MYLK: variants seen among roughly 807,000 people sequenced by gnomAD.
MYLK encodes the protein myosin light chain kinase, smooth muscle.
Under a neutral mutation model 203.4 loss-of-function variants are expected in MYLK, and 106 were observed. That is an observed-to-expected ratio of 0.52 (90% CI 0.45 to 0.61). The LOEUF is 0.61. Ranked by LOEUF, MYLK falls within the 20% of genes least tolerant of loss-of-function variation. The pLI is 0.00. For synonymous variants in MYLK, 867 were observed against 959.5 expected (o/e 0.90, Z 1.78); for missense variants, 2,072 against 2,442.3 (o/e 0.85, Z 3.20).
Position 123,647,400 on chromosome 3 carries a change from A to G in MYLK, c.4443T>C (p.Leu1481=). The G allele has an allele frequency of 6.2e-7, 1 of 1,614,210 alleles. No homozygotes were observed. Among genetic ancestry groups the G allele is most frequent in the Non-Finnish European group, 8.5e-7 (1 of 1,180,038 alleles). Residue 1481 remains leucine (L), a synonymous_variant, in exon 27 of 34, where the codon CTT becomes CTC. Transcript: ENST00000360304. Reference sequence around the variant, plus strand: ...AGACTTTTCGAGTTTTCTTTTCTACAAGTCGAAAGACCTGTCCAAATTTCC... The same window carrying G: ...AGACTTTTCGAGTTTTCTTTTCTACGAGTCGAAAGACCTGTCCAAATTTCC... The part of the protein sequence containing the change: ...GSGKFGQVFR[L]VEKKTRKVWA...
chr3:123,722,112 GC>G lies in MYLK; in HGVS notation c.1804+15del. 1 of 1,560,288 alleles carries G rather than the reference GC, an allele frequency of 6.4e-7. No individual in the cohort carries two copies. The highest frequency in any genetic ancestry group is 8.7e-7 in the Non-Finnish European group (1 of 1,151,980). ...GCAGGAAAGGTGCTTCTACCCAGGTGCCCAGAGGCTCCTACCATGGACGGTG... is the reference window on the plus strand; with the variant it reads ...GCAGGAAAGGTGCTTCTACCCAGGTGCCAGAGGCTCCTACCATGGACGGTG... On this transcript the variant is annotated intron_variant, in intron 13 of 33. Coordinates refer to ENST00000360304, the MANE Select transcript of MYLK (RefSeq NM_053025.4).
chr3:123,797,709 C>A (rs1025069804), intron 3 of MYLK, among the ~76,000 whole-genome samples: 1 of 152,192 alleles, frequency 6.6e-6, no homozygotes, highest in African/African-American at 2.4e-5. Context: ...GTGCTCCAAC[C>A]CTCTTGGCTT....
intron 2 of MYLK, among the ~76,000 whole-genome samples, chr3:123,872,923 T>C (rs1459517714): frequency 6.6e-6 from 1 of 152,082 alleles, no homozygotes; most frequent in Non-Finnish European, 1.5e-5. Context: ...ACCTTCTAAT[T>C]ACATGGTTGT....
chr3:123,716,821 C>T (rs1008120469), intron 13 of MYLK, among the ~76,000 whole-genome samples: 1 of 152,052 alleles, frequency 6.6e-6, no homozygotes, highest in African/African-American at 2.4e-5. Flanking sequence ...CTATAATGGC[C>T]CTATTAGTAA....
chr3:123,877,532 C>T (rs567175394), intron 1 of MYLK, among the ~76,000 whole-genome samples: 1 of 152,284 alleles, frequency 6.6e-6, no homozygotes, highest in South Asian at 2.1e-4. Flanking sequence ...TCCCTAGGTG[C>T]CTGCCCAATC....
chr3:123,638,922 A>G, intron 28 of MYLK: 3 of 985,464 alleles, frequency 3.0e-6, no homozygotes, highest in Non-Finnish European at 3.6e-6. Flanking sequence ...TTAACTTCGC[A>G]GAGCTCACAG....
chr3:123,858,010 A>G (rs2031565019), intron 2 of MYLK, among the ~76,000 whole-genome samples: 1 of 152,188 alleles, frequency 6.6e-6, no homozygotes, highest in Non-Finnish European at 1.5e-5. Context: ...GGCATAATGT[A>G]AACCGAAGGA....
chr3:123,792,539 A>G (rs2064819009), intron 4 of MYLK, among the ~76,000 whole-genome samples: 1 of 152,140 alleles, frequency 6.6e-6, no homozygotes, highest in African/African-American at 2.4e-5. Flanking sequence ...GAATCCTATA[A>G]TCAGTGGCTT....
In MYLK at chr3:123,877,618, T is replaced by C. The variant is rs535475887; in HGVS notation, c.-185-1001A>G. 3.3e-5 allele frequency among the ~76,000 whole-genome samples: 5 copies of C among 152,308 alleles called. No homozygotes were observed. In the East Asian group the frequency reaches 9.6e-4, roughly 29 times the overall value. ...TAGCAACTGCGTTGATTGTATCATG[T>C]ATACCATGAGTGACTATTGGAAAGG... On this transcript the variant is annotated intron_variant, in intron 1 of 33. Coordinates refer to ENST00000360304, the MANE Select transcript of MYLK (RefSeq NM_053025.4).
In MYLK at chr3:123,631,322, CTGGAGG is replaced by C. The variant is rs143639933; in HGVS notation, c.4962-1702_4962-1697del. On this transcript the variant is annotated intron_variant, in intron 29 of 33. Coordinates refer to ENST00000360304, the MANE Select transcript of MYLK (RefSeq NM_053025.4). ...CTGAGGCAGGAGAATTGCTTGAACC[CTGGAGG>C]TGGAGGTTGCAGTGAGCCAATATCG... Among the ~76,000 whole-genome samples, 1,289 of 151,584 alleles carry C rather than the reference CTGGAGG, an allele frequency of 8.5e-3. 16 individuals are homozygous for C. Among genetic ancestry groups the C allele is most frequent in the African/African-American group, 0.03 (1,236 of 41,280 alleles).
Position 123,798,317 on chromosome 3 carries a change from A to T in MYLK, c.-3-4473T>A, listed in dbSNP as rs558174779. Among the ~76,000 whole-genome samples, 37 of 152,308 alleles carry T rather than the reference A, an allele frequency of 2.4e-4. 2 individuals are homozygous for T. The South Asian group carries it at 7.5e-3, about 31-fold the overall frequency. ...CATCTCAAATGAGGTATTTCTTGCC[A>T]TCCCCAGTAATGAGAGATGCAATAG... is the stretch of plus-strand genomic sequence containing the variant. On this transcript the variant is annotated intron_variant, in intron 3 of 33. Coordinates refer to ENST00000360304, the MANE Select transcript of MYLK (RefSeq NM_053025.4).
At chr3:123,875,003 G>A (rs1349390215) in intron 2 of MYLK, among the ~76,000 whole-genome samples, 3 of 152,116 alleles carry the variant, frequency 2.0e-5, no homozygotes, top group African/African-American at 7.2e-5. Context: ...CAAAGATGTG[G>A]AAAATATAAC....
chr3:123,663,081 T>C (rs1248745733), intron 23 of MYLK, among the ~76,000 whole-genome samples: 1 of 152,182 alleles, frequency 6.6e-6, no homozygotes, highest in African/African-American at 2.4e-5. Flanking sequence ...GTCTACTCTC[T>C]CTCTCTGTCT....
At chr3:123,630,927 A>T (rs1197871734) in intron 29 of MYLK, 1 of 131,712 alleles carries the variant, frequency 7.6e-6, no homozygotes, top group Non-Finnish European at 1.5e-5. Context: ...AGTCAGCCTC[A>T]TGGGTGTTAG....
intron 11 of MYLK, among the ~76,000 whole-genome samples, chr3:123,732,508 T>C (rs909620649): frequency 6.6e-6 from 1 of 152,188 alleles, no homozygotes; most frequent in Non-Finnish European, 1.5e-5. Flanking sequence ...AAACAGACAG[T>C]ACAATAAACA....
chr3:123,745,862 T>G (rs1299033975), intron 5 of MYLK, among the ~76,000 whole-genome samples: 1 of 152,102 alleles, frequency 6.6e-6, no homozygotes, highest in Non-Finnish European at 1.5e-5. Context: ...TATTTTTATT[T>G]TTTACGTATT....
chr3:123,716,792 G>A (rs1184092606), intron 13 of MYLK, among the ~76,000 whole-genome samples: 7 of 152,166 alleles, frequency 4.6e-5, no homozygotes, highest in Admixed American at 4.6e-4. Flanking sequence ...GGGCTGTAGA[G>A]GTGGAGAGTT....
intron 4 of MYLK, among the ~76,000 whole-genome samples, chr3:123,763,922 A>T: frequency 6.6e-6 from 1 of 151,514 alleles, no homozygotes; most frequent in East Asian, 1.9e-4. Context: ...TCTTCATGGA[A>T]CTCCCATGAA....
chr3:123,689,413 C>A (rs998169956), intron 19 of MYLK, among the ~76,000 whole-genome samples: 1 of 152,118 alleles, frequency 6.6e-6, no homozygotes, highest in African/African-American at 2.4e-5. Flanking sequence ...TGGGAGCGGG[C>A]CCCACCATGG....
Sources: gnomAD v4.1 joint callset for allele counts (sites outside exome capture counted in the v4.1 genomes callset) on GRCh38, gnomAD v4.1.1 for gene constraint, MANE v1.5 for transcripts, NCBI Gene and HGNC (gene_info 2026-07-23, HGNC 2026-07-21) for gene names.